The following NRG3 variants were observed in gnomAD, a reference collection of about 807,000 sequenced individuals.
NRG3 encodes the protein neuregulin 3.
NRG3 carries 31 observed loss-of-function variants against 66.9 expected under a neutral mutation model. That is an observed-to-expected ratio of 0.46 (90% CI 0.35 to 0.63). NRG3 has a LOEUF of 0.63. Among genes scored for constraint, NRG3 ranks in the 20% least tolerant of loss-of-function variants. NRG3 has a pLI of 0.00. For missense variants in NRG3, 910 were observed against 878.9 expected (o/e 1.04, Z -0.45); for synonymous variants, 393 against 359.4 (o/e 1.09, Z -1.06).
chr10:82,771,602 CT>C (rs534700663), intron 3 of NRG3, among the ~76,000 whole-genome samples: 89 of 152,250 alleles, frequency 5.8e-4, no homozygotes, highest in African/African-American at 2.1e-3. Flanking sequence ...AACATTCTTA[CT>C]GCTTAGAGGA....
chr10:82,763,776 A>G (rs923445079), intron 3 of NRG3, among the ~76,000 whole-genome samples: 1 of 152,156 alleles, frequency 6.6e-6, no homozygotes, highest in African/African-American at 2.4e-5. Context: ...TTGATCATAC[A>G]GAATGTGTCT....
chr10:82,891,533 T>A (rs920638862), intron 4 of NRG3, among the ~76,000 whole-genome samples: 2 of 151,982 alleles, frequency 1.3e-5, no homozygotes, highest in African/African-American at 4.8e-5. Flanking sequence ...GACATTTAGT[T>A]TTTTTGATGT....
At chr10:82,290,753 C>T (rs1368355477) in intron 1 of NRG3, among the ~76,000 whole-genome samples, 4 of 151,782 alleles carry the variant, frequency 2.6e-5, no homozygotes, top group Non-Finnish European at 4.4e-5. Flanking sequence ...CCTGCCTCAG[C>T]CTCCCGAGTA....
intron 3 of NRG3, among the ~76,000 whole-genome samples, chr10:82,829,006 T>G (rs1434538855): frequency 2.0e-5 from 3 of 152,194 alleles, no homozygotes; most frequent in African/African-American, 7.2e-5. Flanking sequence ...TTTTTTTCTC[T>G]TTAGTAAATT....
chr10:82,714,679 T>G (rs1266364550), intron 2 of NRG3, among the ~76,000 whole-genome samples: 1 of 152,236 alleles, frequency 6.6e-6, no homozygotes, highest in East Asian at 1.9e-4. Context: ...GATTGATGTC[T>G]GTTGCTAATA....
chr10:82,448,378 A>G (rs2090849819), intron 2 of NRG3, among the ~76,000 whole-genome samples: 1 of 152,244 alleles, frequency 6.6e-6, no homozygotes, highest in African/African-American at 2.4e-5. Context: ...GGATTTAAAA[A>G]TATGTATTTT....
chr10:82,149,048 GT>G (rs200390784), intron 1 of NRG3, among the ~76,000 whole-genome samples: 26 of 114,308 alleles, frequency 2.3e-4, no homozygotes, highest in African/African-American at 1.0e-3. Flanking sequence ...TCACATTCCT[GT>G]TTTTTTGTTT....
At chr10:82,453,288 G>T (rs2091107371) in intron 2 of NRG3, among the ~76,000 whole-genome samples, 1 of 152,030 alleles carries the variant, frequency 6.6e-6, no homozygotes, top group South Asian at 2.1e-4. Context: ...CAGGAGCTAG[G>T]CCGTATTATG....
intron 1 of NRG3, among the ~76,000 whole-genome samples, chr10:82,198,581 TTCTC>T (rs1253548044): frequency 6.6e-6 from 1 of 152,228 alleles, no homozygotes; most frequent in Non-Finnish European, 1.5e-5. Flanking sequence ...AAGGCCATAT[TTCTC>T]TCTGAGGTTT....
intron 3 of NRG3, among the ~76,000 whole-genome samples, chr10:82,745,400 A>G (rs1264355012): frequency 6.6e-6 from 1 of 152,216 alleles, no homozygotes; most frequent in Non-Finnish European, 1.5e-5. Context: ...CCCCTGGTCT[A>G]TTAATCCATA....
chr10:82,502,460 C>G (rs1034689841), intron 2 of NRG3, among the ~76,000 whole-genome samples: 7 of 152,134 alleles, frequency 4.6e-5, no homozygotes, highest in African/African-American at 1.7e-4. Flanking sequence ...CTTCTCATAC[C>G]TTCCAGTGCT....
intron 2 of NRG3, among the ~76,000 whole-genome samples, chr10:82,625,507 T>C (rs1185265781): frequency 6.6e-6 from 1 of 152,178 alleles, no homozygotes; most frequent in Non-Finnish European, 1.5e-5. Flanking sequence ...GCCTTGGAAG[T>C]GAGAATCAGG....
At chr10:82,738,504 C>A (rs774414759) in intron 2 of NRG3, 73 bp from the exon 3 acceptor site, 98 of 1,141,020 alleles carry the variant, frequency 8.6e-5, no homozygotes, top group Non-Finnish European at 1.2e-4. Flanking sequence ...TAATTGATGG[C>A]TATTTTACTT....
chr10:82,673,249 G>A (rs925523418), intron 2 of NRG3, among the ~76,000 whole-genome samples: 1 of 152,188 alleles, frequency 6.6e-6, no homozygotes, highest in African/African-American at 2.4e-5. Context: ...CCTTGACTCT[G>A]AGCTTGAATA....
intron 2 of NRG3, among the ~76,000 whole-genome samples, chr10:82,718,603 C>T (rs577846456): frequency 6.6e-6 from 1 of 152,264 alleles, no homozygotes; most frequent in South Asian, 2.1e-4. Context: ...TTCCAAATCT[C>T]CATTTTCCAT....
intron 2 of NRG3, among the ~76,000 whole-genome samples, chr10:82,581,219 A>G (rs1200464950): frequency 6.6e-6 from 1 of 152,012 alleles, no homozygotes; most frequent in Non-Finnish European, 1.5e-5. Context: ...CTTATTTGCC[A>G]TCTGTATATC....
At chr10:82,113,683 C>T (rs183589542) in intron 1 of NRG3, among the ~76,000 whole-genome samples, 2 of 152,242 alleles carry the variant, frequency 1.3e-5, no homozygotes, top group East Asian at 1.9e-4. Context: ...TAGTTTAGCT[C>T]ATAGTGGTGA....
intron 1 of NRG3, among the ~76,000 whole-genome samples, chr10:82,349,880 C>T (rs1289884237): frequency 6.6e-6 from 1 of 152,224 alleles, no homozygotes; most frequent in Non-Finnish European, 1.5e-5. Flanking sequence ...CTCCCTGACC[C>T]CTTGCGCTTC....
At chr10:82,556,538 GC>G (rs1448655314) in intron 2 of NRG3, among the ~76,000 whole-genome samples, 1 of 152,142 alleles carries the variant, frequency 6.6e-6, no homozygotes, top group East Asian at 1.9e-4. Context: ...AATGGCATCT[GC>G]CCTTCTTCTC....
Sources: allele counts gnomAD v4.1 joint callset (sites outside exome capture counted in the v4.1 genomes callset), GRCh38; gene constraint gnomAD v4.1.1; transcripts MANE v1.5; gene names NCBI Gene and HGNC (gene_info 2026-07-23, HGNC 2026-07-21).